Variants in GRM5 observed in about 807,000 individuals in gnomAD.
GRM5 encodes glutamate metabotropic receptor 5, also known as metabotropic glutamate receptor 5.
GRM5 carries 19 observed loss-of-function variants against 83.1 expected under a neutral mutation model. That is an observed-to-expected ratio of 0.23 (90% CI 0.16 to 0.34). The LOEUF (loss-of-function observed/expected upper bound fraction) is 0.34. Among genes scored for constraint, GRM5 ranks in the 10% least tolerant of loss-of-function variants. The pLI is 1.00. For missense variants in GRM5, 1,160 were observed against 1,588.3 expected, an observed-to-expected ratio of 0.73 and a Z score of 4.58; for synonymous variants, 675 against 633.6, an observed-to-expected ratio of 1.07 and a Z score of -0.98.
intron 4 of GRM5, among the ~76,000 whole-genome samples, chr11:88,606,677 TAGGAGTAGGACTGTC>T (rs1219432869): frequency 5.9e-5 from 9 of 152,170 alleles, no homozygotes; most frequent in Non-Finnish European, 8.8e-5. Context: ...TAAAGGGCTG[TAGGAGTAGGACTGTC>T]AGGGAAACTC....
At chr11:88,807,887 A>G (rs774388597) in intron 3 of GRM5, among the ~76,000 whole-genome samples, 17 of 152,060 alleles carry the variant, frequency 1.1e-4, no homozygotes, top group Middle Eastern at 3.2e-3. Context: ...CTCATTTGCC[A>G]TGTAGTTTTT....
At chr11:88,625,328 G>T (rs1422560282) in intron 4 of GRM5, among the ~76,000 whole-genome samples, 1 of 152,062 alleles carries the variant, frequency 6.6e-6, no homozygotes, top group East Asian at 1.9e-4. Flanking sequence ...AGAGAGAAAA[G>T]GCTATACCCG....
chr11:88,839,684 T>C (rs1277037134), intron 3 of GRM5, among the ~76,000 whole-genome samples: 5 of 152,186 alleles, frequency 3.3e-5, no homozygotes, highest in Non-Finnish European at 7.4e-5. Context: ...CCTTAAAATA[T>C]ACAGTTGACC....
intron 3 of GRM5, among the ~76,000 whole-genome samples, chr11:88,704,554 C>T (rs1157965571): frequency 6.6e-6 from 1 of 152,060 alleles, no homozygotes; most frequent in Non-Finnish European, 1.5e-5. Flanking sequence ...ATTATTTTCT[C>T]ATCTCTGAGA....
At chr11:88,858,589 G>C (rs1164396545) in intron 2 of GRM5, among the ~76,000 whole-genome samples, 2 of 151,974 alleles carry the variant, frequency 1.3e-5, no homozygotes, top group East Asian at 3.9e-4. Flanking sequence ...ATACGTGACA[G>C]TTTTAACTGC....
At chr11:88,554,078 G>A (rs188767414) in intron 8 of GRM5, among the ~76,000 whole-genome samples, 7 of 152,256 alleles carry the variant, frequency 4.6e-5, no homozygotes, top group African/African-American at 1.2e-4. Context: ...TACAGTTCTG[G>A]AGATCAGAAG....
intron 2 of GRM5, among the ~76,000 whole-genome samples, chr11:89,036,173 G>A (rs1247317170): frequency 6.6e-6 from 1 of 152,020 alleles, no homozygotes; most frequent in Non-Finnish European, 1.5e-5. Flanking sequence ...CTCTGGAACT[G>A]TCCAGGCCTT....
At chr11:88,522,500 C>T (rs1159107553) in intron 9 of GRM5, among the ~76,000 whole-genome samples, 1 of 147,976 alleles carries the variant, frequency 6.8e-6, no homozygotes, top group Non-Finnish European at 1.5e-5. Flanking sequence ...TGAATTTTGA[C>T]CTCTCTTTTC....
chr11:88,685,045 G>T (rs1051217964), intron 3 of GRM5, among the ~76,000 whole-genome samples: 3 of 152,132 alleles, frequency 2.0e-5, no homozygotes, highest in Non-Finnish European at 2.9e-5. Flanking sequence ...TGGGTAACAG[G>T]CAAAAGTTCG....
chr11:88,565,168 GC>G (rs1395056292), intron 8 of GRM5, among the ~76,000 whole-genome samples: 2 of 152,202 alleles, frequency 1.3e-5, no homozygotes, highest in Non-Finnish European at 2.9e-5. Flanking sequence ...AAGTGAATTT[GC>G]CTAAGGTTCT....
chr11:88,747,709 A>AAC (rs1411108283), intron 3 of GRM5, among the ~76,000 whole-genome samples: 1 of 151,830 alleles, frequency 6.6e-6, no homozygotes. Context: ...ATCCAGGAAA[A>AAC]AAAAAAAAAG....
chr11:88,941,649 T>C (rs1356513844), intron 2 of GRM5, among the ~76,000 whole-genome samples: 1 of 151,774 alleles, frequency 6.6e-6, no homozygotes, highest in East Asian at 1.9e-4. Flanking sequence ...ACTGTAAATG[T>C]AGAACAACTA....
At position 88,508,618 on chromosome 11, in the gene GRM5, A is replaced by C; in HGVS notation, c.3613T>G (p.Tyr1205Asp). The C allele has an allele frequency of 6.2e-7, 1 of 1,609,840 alleles. No individual in the cohort carries two copies. Among genetic ancestry groups the C allele is most frequent in the Non-Finnish European group, 8.5e-7 (1 of 1,178,186 alleles). Residue 1205 changes from tyrosine (Y) to aspartate (D), a missense_variant, in exon 10 of 10, where the codon TAC (tyrosine) becomes GAC (aspartate). This residue lies in a region of GRM5 where 562 missense variants were observed against 532.4 expected (regional missense o/e 1.06). Transcript: ENST00000305447. The surrounding 1 kb of genome is among the most constrained non-coding windows in gnomAD (Gnocchi z 4.2). Reference protein sequence around the residue: ...PKYDTLIIRDYTQSSSSL With the variant: ...PKYDTLIIRDDTQSSSSL ...CACAACGACGAGGAGCTCTGAGTGT[A>C]ATCTCTTATGATAAGAGTGTCATAT... is the stretch of plus-strand genomic sequence containing the variant.
intron 4 of GRM5, among the ~76,000 whole-genome samples, chr11:88,632,913 T>G (rs1180178215): frequency 6.6e-6 from 1 of 152,238 alleles, no homozygotes; most frequent in Non-Finnish European, 1.5e-5. Flanking sequence ...GTGGTATAAA[T>G]TTTTGTTTTC....
chr11:88,743,943 T>C (rs1942080367), intron 3 of GRM5, among the ~76,000 whole-genome samples: 1 of 152,102 alleles, frequency 6.6e-6, no homozygotes, highest in Non-Finnish European at 1.5e-5. Context: ...TAGGCAAACA[T>C]CAAAAGCAAA....
intron 3 of GRM5, among the ~76,000 whole-genome samples, chr11:88,672,397 A>G (rs1234109531): frequency 1.3e-5 from 2 of 152,000 alleles, no homozygotes; most frequent in African/African-American, 4.8e-5. Context: ...TTGAAGAAAG[A>G]AAGACTTGAA....
rs886167461 is a variant in GRM5 at position 88,824,279 on chromosome 11, G to A, written c.911+25627C>T. On this transcript the variant is annotated intron_variant, in intron 3 of 9. Transcript: ENST00000305447. ...GGACTTCACAGAATTTTCTGGTGGC[G>A]GGGGAGAAGGACTGAGGATATTAGC... 2.2e-4 allele frequency among the ~76,000 whole-genome samples: 33 copies of A among 152,108 alleles called. 1 individual carries two copies. The highest frequency in any genetic ancestry group is 1.8e-3 in the Admixed American group (28 of 15,276).
chr11:88,880,323 C>A (rs1944931737), intron 2 of GRM5, among the ~76,000 whole-genome samples: 1 of 152,092 alleles, frequency 6.6e-6, no homozygotes, highest in African/African-American at 2.4e-5. Flanking sequence ...TGCAAATATG[C>A]ATTGAAGAGA....
At chr11:88,862,191 A>G (rs377553116) in intron 2 of GRM5, among the ~76,000 whole-genome samples, 15 of 152,274 alleles carry the variant, frequency 9.9e-5, no homozygotes, top group African/African-American at 2.9e-4. Context: ...TTGAAAATCT[A>G]TTTGTTTGAT....
Sources: allele counts gnomAD v4.1 joint callset (sites outside exome capture counted in the v4.1 genomes callset), GRCh38; gene constraint gnomAD v4.1.1; regional missense constraint gnomAD v4.1.1; non-coding constraint Gnocchi (gnomAD v3.1); transcripts MANE v1.5; gene names NCBI Gene and HGNC (gene_info 2026-07-23, HGNC 2026-07-21).